LRRC8D: variants seen among roughly 807,000 people sequenced by gnomAD.
LRRC8D encodes the protein volume-regulated anion channel subunit LRRC8D.
Under a neutral mutation model 55.8 loss-of-function variants are expected in LRRC8D, and 20 were observed. That is an observed-to-expected ratio of 0.36 (90% CI 0.25 to 0.52). LRRC8D has a LOEUF of 0.52. Ranked by LOEUF, LRRC8D falls within the 20% of genes least tolerant of loss-of-function variation. The pLI is 0.93. For missense variants in LRRC8D, 651 were observed against 1,030.8 expected, an observed-to-expected ratio of 0.63 and a Z score of 5.05; for synonymous variants, 352 against 377.0, an observed-to-expected ratio of 0.93 and a Z score of 0.77.
intron 2 of LRRC8D, among the ~76,000 whole-genome samples, chr1:89,903,088 A>G (rs559547698): frequency 5.7e-4 from 86 of 152,134 alleles, no homozygotes; most frequent in Non-Finnish European, 1.2e-3. Context: ...GGAAACAGAG[A>G]TGTTAGGTAA....
At chr1:89,860,005 A>G (rs7534067) in intron 2 of LRRC8D, among the ~76,000 whole-genome samples, 25,070 of 152,252 alleles carry the variant, frequency 0.16, 2,160 homozygotes, top group African/African-American at 0.19. Flanking sequence ...CCAAAAAGCA[A>G]CGTTTTTACA....
At chr1:89,883,160 C>T (rs569134740) in intron 2 of LRRC8D, among the ~76,000 whole-genome samples, 1 of 152,204 alleles carries the variant, frequency 6.6e-6, no homozygotes, top group East Asian at 1.9e-4. Flanking sequence ...CTGTGAATAG[C>T]CACTGCACTT....
At chr1:89,892,420 G>C (rs1021434197) in intron 2 of LRRC8D, among the ~76,000 whole-genome samples, 1 of 152,122 alleles carries the variant, frequency 6.6e-6, no homozygotes, top group African/African-American at 2.4e-5. Flanking sequence ...AACAGTGTGG[G>C]ATAAGGTAGG....
chr1:89,884,132 C>G (rs1662354023), intron 2 of LRRC8D, among the ~76,000 whole-genome samples: 1 of 152,180 alleles, frequency 6.6e-6, no homozygotes, highest in Non-Finnish European at 1.5e-5. Context: ...TGAACGGCAT[C>G]TAGTCATGCT....
Position 89,934,980 on chromosome 1 carries a change from G to A in LRRC8D, c.1912G>A (p.Ala638Thr), listed in dbSNP as rs1355034425. 9.3e-6 allele frequency: 15 copies of A among 1,613,912 alleles called. No individual in the cohort carries two copies. The highest frequency in any genetic ancestry group is 1.6e-4 in the Middle Eastern group (1 of 6,084). ...LNSLKKMMNV[A>T]ELELQNCELE... ...CAGCCTTAAGAAAATGATGAATGTCGCTGAGCTGGAACTCCAGAACTGTGA... is the reference window on the plus strand; with the variant it reads ...CAGCCTTAAGAAAATGATGAATGTCACTGAGCTGGAACTCCAGAACTGTGA... Residue 638 changes from alanine (A) to threonine (T), a missense_variant, in exon 3 of 3, where the codon GCT becomes ACT. By Grantham distance (58) the Ala-to-Thr change is moderately conservative. Around this residue, in one of 5 missense-constraint regions of LRRC8D, gnomAD observed 338 missense variants for 479.4 expected, o/e 0.71. Coordinates refer to ENST00000337338, the MANE Select transcript of LRRC8D (RefSeq NM_001134479.2). This position sits in a 1 kb window ranked among gnomAD's most constrained non-coding sequence, Gnocchi z 5.9.
intron 2 of LRRC8D, among the ~76,000 whole-genome samples, chr1:89,882,129 A>G (rs1662300064): frequency 6.6e-6 from 1 of 152,112 alleles, no homozygotes; most frequent in African/African-American, 2.4e-5. Flanking sequence ...TTTTGGATGC[A>G]CTCTGGGACA....
intron 2 of LRRC8D, among the ~76,000 whole-genome samples, chr1:89,922,068 T>G (rs1264826459): frequency 6.6e-6 from 1 of 150,898 alleles, no homozygotes; most frequent in East Asian, 1.9e-4. Context: ...TTCATATAAT[T>G]TTTTTTTTGG....
chr1:89,868,081 A>G (rs2100813713), intron 2 of LRRC8D, among the ~76,000 whole-genome samples: 1 of 152,330 alleles, frequency 6.6e-6, no homozygotes, highest in Non-Finnish European at 1.5e-5. Context: ...AAAAAGAGGC[A>G]GATGGGCCAA....
intron 2 of LRRC8D, among the ~76,000 whole-genome samples, chr1:89,857,147 G>A (rs1251611036): frequency 1.3e-5 from 2 of 152,050 alleles, no homozygotes; most frequent in Non-Finnish European, 2.9e-5. Flanking sequence ...ATTTTGGGAG[G>A]TGAGGCAGGT....
At chr1:89,900,776 T>C (rs1570872707) in intron 2 of LRRC8D, among the ~76,000 whole-genome samples, 1 of 152,196 alleles carries the variant, frequency 6.6e-6, no homozygotes, top group African/African-American at 2.4e-5. Context: ...CACAGCAGCA[T>C]CTCATCAAGA....
At chr1:89,869,666 C>T (rs1661945383) in intron 2 of LRRC8D, among the ~76,000 whole-genome samples, 1 of 152,072 alleles carries the variant, frequency 6.6e-6, no homozygotes, top group African/African-American at 2.4e-5. Context: ...ATCAGATTCA[C>T]CAAGGCAGAA....
At position 89,935,270 on chromosome 1, in the gene LRRC8D, A is replaced by G. The variant is rs142123872; in HGVS notation, c.2202A>G (p.Leu734=). 10 of 1,614,102 alleles carry G rather than the reference A, an allele frequency of 6.2e-6. No individual in the cohort carries two copies. The African/African-American group carries it at 1.2e-4, about 19-fold the overall frequency. The change falls in exon 3 of 3, where the codon TTA becomes TTG. Residue 734 remains leucine (L), a synonymous_variant. Transcript: ENST00000337338. ...AVFSLQKLRC[L]DVSYNNISMI... ...TTAGTTTACAGAAACTCAGATGCTT[A>G]GATGTGAGCTACAACAACATTTCAA... is the stretch of plus-strand genomic sequence containing the variant.
chr1:89,925,403 T>C (rs1314135121), intron 2 of LRRC8D, among the ~76,000 whole-genome samples: 1 of 152,172 alleles, frequency 6.6e-6, no homozygotes, highest in Admixed American at 6.5e-5. Context: ...GCATAACAAA[T>C]GTGATGCACT....
chr1:89,886,593 G>A (rs559521635), intron 2 of LRRC8D, among the ~76,000 whole-genome samples: 7 of 152,298 alleles, frequency 4.6e-5, no homozygotes, highest in African/African-American at 1.7e-4. Context: ...AGGTGAGAAG[G>A]AAGAAACATT....
At chr1:89,823,720 A>G (rs1177431999) in intron 1 of LRRC8D, among the ~76,000 whole-genome samples, 3 of 152,238 alleles carry the variant, frequency 2.0e-5, no homozygotes, top group Non-Finnish European at 2.9e-5. Context: ...TTAACAAGGC[A>G]GGAGAGGATT....
chr1:89,934,149 A>G lies in LRRC8D; in HGVS notation c.1081A>G (p.Met361Val). ...VFECTHNMAY[M>V]LKKLLISYIS... ...TGAGTGCACCCACAATATGGCTTACATGTTGAAAAAGCTTCTCATCAGTTA... is the reference window on the plus strand; with the variant it reads ...TGAGTGCACCCACAATATGGCTTACGTGTTGAAAAAGCTTCTCATCAGTTA... The change falls in exon 3 of 3, where the codon ATG becomes GTG. Residue 361 changes from methionine (M) to valine (V), a missense_variant. Transcript: ENST00000337338. The surrounding 1 kb of genome is among the most constrained non-coding windows in gnomAD (Gnocchi z 5.9). The G allele has an allele frequency of 3.1e-6, 5 of 1,614,156 alleles. No individual in the cohort carries two copies. The highest frequency in any genetic ancestry group is 2.2e-5 in the East Asian group (1 of 44,882).
intron 2 of LRRC8D, among the ~76,000 whole-genome samples, chr1:89,924,286 A>G (rs1389921194): frequency 1.3e-5 from 2 of 152,264 alleles, no homozygotes; most frequent in African/African-American, 4.8e-5. Flanking sequence ...TCTCAAAAGA[A>G]GACATACATG....
At chr1:89,825,958 G>A (rs1348229638) in intron 1 of LRRC8D, among the ~76,000 whole-genome samples, 2 of 152,194 alleles carry the variant, frequency 1.3e-5, no homozygotes, top group Admixed American at 6.5e-5. Context: ...AGTGTCCATT[G>A]TGCCCCAATC....
At chr1:89,821,600 TCG>T (rs917991332) in intron 1 of LRRC8D, among the ~76,000 whole-genome samples, 3 of 151,992 alleles carry the variant, frequency 2.0e-5, no homozygotes, top group African/African-American at 7.3e-5. Context: ...CCTGAACCCC[TCG>T]CGCGCGCTCC....
Sources: allele counts gnomAD v4.1 joint callset (sites outside exome capture counted in the v4.1 genomes callset), GRCh38; gene constraint gnomAD v4.1.1; regional missense constraint gnomAD v4.1.1; non-coding constraint Gnocchi (gnomAD v3.1); transcripts MANE v1.5; gene names NCBI Gene and HGNC (gene_info 2026-07-23, HGNC 2026-07-21).